Variants in ARID1B observed in about 807,000 individuals in gnomAD.
ARID1B encodes AT-rich interaction domain 1B, also known as AT-rich interactive domain-containing protein 1B.
ARID1B carries 30 observed loss-of-function variants against 212.3 expected under a neutral mutation model. The ratio of observed to expected loss-of-function variants is 0.14; its 90% CI spans 0.11 to 0.19. The LOEUF is 0.19. ARID1B is among the 10% of genes least tolerant of loss of function. The pLI is 1.00. For missense variants in ARID1B, 2,891 were observed against 3,204.0 expected, an observed-to-expected ratio of 0.90 and a Z score of 2.36; for synonymous variants, 1,402 against 1,301.7, an observed-to-expected ratio of 1.08 and a Z score of -1.66.
At chr6:157,028,635 A>G (rs1780818985) in intron 4 of ARID1B, among the ~76,000 whole-genome samples, 1 of 152,228 alleles carries the variant, frequency 6.6e-6, no homozygotes, top group Non-Finnish European at 1.5e-5. Flanking sequence ...GAACTTTGAT[A>G]CATGTGATTT....
intron 4 of ARID1B, chr6:156,940,922 T>C (rs952908784): frequency 2.0e-5 from 3 of 152,246 alleles, no homozygotes; most frequent in Non-Finnish European, 2.9e-5. Flanking sequence ...AGTTAAAATC[T>C]ACCAGGTAAG....
intron 3 of ARID1B, among the ~76,000 whole-genome samples, chr6:156,917,973 G>A (rs1204253085): frequency 6.6e-6 from 1 of 152,082 alleles, no homozygotes; most frequent in African/African-American, 2.4e-5. Context: ...CTTGGCACAT[G>A]GGCAATCATT....
chr6:156,800,755 A>C (rs904638881), intron 1 of ARID1B, among the ~76,000 whole-genome samples: 6 of 152,100 alleles, frequency 3.9e-5, no homozygotes, highest in Admixed American at 2.6e-4. Context: ...AAAAATTAAA[A>C]AATTAGCCAG....
At chr6:157,007,956 G>A (rs1000057768) in intron 4 of ARID1B, among the ~76,000 whole-genome samples, 2 of 152,102 alleles carry the variant, frequency 1.3e-5, no homozygotes, top group South Asian at 4.1e-4. Context: ...GATTGCAGGC[G>A]TGAGCCACTG....
intron 4 of ARID1B, among the ~76,000 whole-genome samples, chr6:156,949,200 T>G (rs1316044344): frequency 6.6e-6 from 1 of 152,260 alleles, no homozygotes; most frequent in Non-Finnish European, 1.5e-5. Flanking sequence ...CTTTTTTTGC[T>G]GACTTAATTG....
At position 157,201,218 on chromosome 6, in the gene ARID1B, A is replaced by G. The variant is rs1794092569; in HGVS notation, c.4993A>G (p.Thr1665Ala). 1 of 1,613,612 alleles carries G rather than the reference A, an allele frequency of 6.2e-7. No homozygotes were observed. Among genetic ancestry groups the G allele is most frequent in the African/African-American group, 1.3e-5 (1 of 74,864 alleles). The change falls in exon 18 of 20, where the codon ACG becomes GCG. Residue 1665 changes from threonine to alanine, a missense_variant. This residue lies in a region of ARID1B where 666 missense variants were observed against 873.5 expected (regional missense o/e 0.76). Coordinates refer to ENST00000636930, the MANE Select transcript of ARID1B (RefSeq NM_001374828.1). The surrounding 1 kb of genome is among the most constrained non-coding windows in gnomAD (Gnocchi z 5.2). ...ITRPPQPSYQTPPSLPNHISR... is the reference protein window; with the variant it reads ...ITRPPQPSYQAPPSLPNHISR... ...ACGCCCACCACAGCCGTCCTACCAG[A>G]CGCCACCGTCACTGCCAAATCACAT...
rs115592753 is a variant in ARID1B at position 156,963,252 on chromosome 6, G to A, written c.2247+27676G>A. On this transcript the variant is annotated intron_variant, in intron 4 of 19. Transcript: ENST00000636930. ...AGATTAGGGAGTAACAAAGAAGTCTGTTCAGTGATGTTAAGTTTTCTCTTT... is the reference window on the plus strand; with the variant it reads ...AGATTAGGGAGTAACAAAGAAGTCTATTCAGTGATGTTAAGTTTTCTCTTT... Among the ~76,000 whole-genome samples the A allele has an allele frequency of 2.6e-3, 391 of 152,292 alleles. 3 individuals carry two copies. The highest frequency in any genetic ancestry group is 7.2e-3 in the African/African-American group (298 of 41,564).
Position 157,189,709 on chromosome 6 carries a change from T to C in ARID1B, c.3987T>C (p.Val1329=), listed in dbSNP as rs1562335823. ...CTGGCAGCAATTCCATGGCAGAGGT[T>C]CCAGGTGACCTGAAGCCACCTACCC... ...QSTGSNSMAE[V]PGDLKPPTPA... is the part of the protein sequence containing the mutation. Residue 1329 remains valine (V), a synonymous_variant, in exon 14 of 20, where the codon GTT becomes GTC. Coordinates refer to ENST00000636930, the MANE Select transcript of ARID1B (RefSeq NM_001374828.1). 1 of 1,614,070 alleles carries C rather than the reference T, an allele frequency of 6.2e-7. No individual in the cohort carries two copies. The highest frequency in any genetic ancestry group is 2.2e-5 in the East Asian group (1 of 44,878).
In ARID1B at chr6:156,978,520, T is replaced by C. The variant is rs150915212; in HGVS notation, c.2247+42944T>C. Among the ~76,000 whole-genome samples, 222 of 149,378 alleles carry C rather than the reference T, an allele frequency of 1.5e-3. 2 individuals are homozygous for C. Among genetic ancestry groups the C allele is most frequent in the African/African-American group, 5.2e-3 (212 of 40,884 alleles). On this transcript the variant is annotated intron_variant, in intron 4 of 19. Coordinates refer to ENST00000636930, the MANE Select transcript of ARID1B (RefSeq NM_001374828.1). ...TATGGACAGAATTTGTGTATCTTCC[T>C]TGAGTTTTGTTGAATAAACATATGG...
rs1794264945 is a variant in ARID1B at position 157,203,720 on chromosome 6, T to A, written c.5264-146T>A. ...GGCCTCCATTTAAAATCGGAAATGA[T>A]CACGCTTAACTGTCCTTGAGAGCAT... On this transcript the variant is annotated intron_variant, in intron 18 of 19. Coordinates refer to ENST00000636930, the MANE Select transcript of ARID1B (RefSeq NM_001374828.1). This position sits in a 1 kb window ranked among gnomAD's most constrained non-coding sequence, Gnocchi z 4.4. 1 of 1,010,286 alleles carries A rather than the reference T, an allele frequency of 9.9e-7. No individual in the cohort carries two copies. Among genetic ancestry groups the A allele is most frequent in the Non-Finnish European group, 1.5e-6 (1 of 680,488 alleles). 62.6% of individuals were successfully genotyped at this position (1,010,286 alleles called of 1,614,324 possible). A position where few individuals can be genotyped will look rare whatever the true frequency, so the allele number is the denominator to read the frequency against.
chr6:156,809,289 T>A (rs961315276), intron 1 of ARID1B, among the ~76,000 whole-genome samples: 1 of 152,130 alleles, frequency 6.6e-6, no homozygotes, highest in Non-Finnish European at 1.5e-5. Flanking sequence ...ATGTGAGAGA[T>A]GTGGTCATTT....
At chr6:156,936,202 TGTG>T (rs1344435267) in intron 4 of ARID1B, 1 of 151,892 alleles carries the variant, frequency 6.6e-6, no homozygotes, top group Admixed American at 6.6e-5. Flanking sequence ...ATTAGCCAGG[TGTG>T]GTGGTGCCTG....
At chr6:157,184,601 G>A in intron 13 of ARID1B, 166 bp downstream of exon 13, 1 of 750,548 alleles carries the variant, frequency 1.3e-6, no homozygotes, top group Admixed American at 2.8e-5. Context: ...CACTGGCAGT[G>A]TTAAGGGATG....
intron 1 of ARID1B, among the ~76,000 whole-genome samples, chr6:156,784,916 C>T (rs1779531969): frequency 1.3e-5 from 2 of 152,144 alleles, no homozygotes; most frequent in South Asian, 2.1e-4. Flanking sequence ...CACGCCATCA[C>T]ACCTGGCTAA....
intron 4 of ARID1B, among the ~76,000 whole-genome samples, chr6:157,027,501 A>G (rs1780735612): frequency 6.6e-6 from 1 of 152,204 alleles, no homozygotes; most frequent in African/African-American, 2.4e-5. Context: ...GTTTTTTGAC[A>G]TTTGGACCCA....
Position 157,172,533 on chromosome 6 carries a change from C to T in ARID1B, c.3236-1475C>T, listed in dbSNP as rs774854701. On this transcript the variant is annotated intron_variant, in intron 9 of 19. Coordinates refer to ENST00000636930, the MANE Select transcript of ARID1B (RefSeq NM_001374828.1). Reference sequence around the variant, plus strand: ...CAAGCCAATGCGCCCGTGGAAAAGACGGGATTTCAAAGTGTATTGTTGAGT... The same window carrying T: ...CAAGCCAATGCGCCCGTGGAAAAGATGGGATTTCAAAGTGTATTGTTGAGT... 8.0e-4 allele frequency among the ~76,000 whole-genome samples: 122 copies of T among 152,244 alleles called. 2 individuals carry two copies. The highest frequency in any genetic ancestry group is 6.8e-3 in the Middle Eastern group (2 of 294).
Position 157,208,715 on chromosome 6 carries a change from C to CTTTT in ARID1B, c.*839_*842dup, listed in dbSNP as rs878880822. 0.02 allele frequency: 2,998 copies of CTTTT among 149,766 alleles called. 37 individuals are homozygous for CTTTT. The highest frequency in any genetic ancestry group is 0.034 in the Admixed American group (391 of 11,374). The allele number at this position is 149,766 out of a possible 1,614,324, so 9.3% of individuals were successfully genotyped here. A position where few individuals can be genotyped will look rare whatever the true frequency, so the allele number is the denominator to read the frequency against. On this transcript the variant is annotated 3_prime_UTR_variant, in exon 20 of 20. Transcript: ENST00000636930. The stretch of plus-strand genomic sequence containing the variant: ...AAACATACCCTCATTTTTTTCTTTT[C>CTTTT]TTTTTTTTTTTTTTTTTTAGTACAA...
intron 4 of ARID1B, among the ~76,000 whole-genome samples, chr6:157,046,118 G>A (rs535240685): frequency 6.4e-4 from 97 of 152,220 alleles, no homozygotes; most frequent in African/African-American, 2.2e-3. Context: ...TGATTTGGGG[G>A]AAATACTTTA....
At chr6:157,066,691 C>T (rs778536993) in intron 4 of ARID1B, among the ~76,000 whole-genome samples, 1 of 152,020 alleles carries the variant, frequency 6.6e-6, no homozygotes, top group Non-Finnish European at 1.5e-5. Context: ...AGTGGAAGAT[C>T]TGGGAGGTAA....
Sources: allele counts gnomAD v4.1 joint callset (sites outside exome capture counted in the v4.1 genomes callset), GRCh38; gene constraint gnomAD v4.1.1; regional missense constraint gnomAD v4.1.1; non-coding constraint Gnocchi (gnomAD v3.1); transcripts MANE v1.5; gene names NCBI Gene and HGNC (gene_info 2026-07-23, HGNC 2026-07-21).